Variants in MAST3 observed in about 807,000 individuals in gnomAD.
MAST3 encodes microtubule-associated serine/threonine-protein kinase 3.
Under a neutral mutation model 127.0 loss-of-function variants are expected in MAST3, and 43 were observed. The observed-to-expected ratio is 0.34, with a 90% CI of 0.27 to 0.44. The LOEUF (loss-of-function observed/expected upper bound fraction) is 0.44. Among genes scored for constraint, MAST3 ranks in the 20% least tolerant of loss-of-function variants. The pLI is 1.00. For missense variants in MAST3, 1,390 were observed against 1,919.1 expected, an observed-to-expected ratio of 0.72 and a Z score of 5.15; for synonymous variants, 785 against 809.2, an observed-to-expected ratio of 0.97 and a Z score of 0.51.
chr19:18,143,912 GC>G lies in MAST3; in HGVS notation c.2492del (p.Pro831LeufsTer11). The G allele has an allele frequency of 6.2e-7, 1 of 1,613,588 alleles. No individual in the cohort carries two copies. The highest frequency in any genetic ancestry group is 8.5e-7 in the Non-Finnish European group (1 of 1,179,774). ...TCAGAGGATGAGGGGGTAGGCCCAG[GC>G]CCTGCAGGCCCCAAGAGGCCCGTCT... is the stretch of plus-strand genomic sequence containing the variant. ...FSSEDEGVGP[G>X]PAGPKRPVFI... On this transcript the variant is annotated frameshift_variant, in exon 22 of 28. Coordinates refer to ENST00000687212, the MANE Select transcript of MAST3 (RefSeq NM_001393504.1). LOFTEE classifies it high-confidence loss of function.
chr19:18,116,166 C>T (rs1366121538), intron 3 of MAST3, among the ~76,000 whole-genome samples: 2 of 142,472 alleles, frequency 1.4e-5, no homozygotes, highest in Non-Finnish European at 3.0e-5. Context: ...TGATCTCGGC[C>T]CACTGCAACC....
At chr19:18,142,116 G>T (rs1269350883) in intron 21 of MAST3, 101 bp downstream of exon 21, 1 of 1,247,100 alleles carries the variant, frequency 8.0e-7, no homozygotes. Context: ...TGGCCAAGTA[G>T]AAAAGGGTCA....
intron 1 of MAST3, among the ~76,000 whole-genome samples, chr19:18,101,642 CT>C (rs1434961083): frequency 1.3e-5 from 2 of 152,042 alleles, no homozygotes; most frequent in East Asian, 3.9e-4. Flanking sequence ...TTGAGTCTCT[CT>C]TTTTTTAGAC....
In MAST3 at chr19:18,121,743, C is replaced by T; in HGVS notation, c.220C>T (p.Arg74Trp). The change falls in exon 4 of 28, where the codon CGG becomes TGG. Residue 74 changes from arginine to tryptophan, a missense_variant. Arg to Trp is a moderately radical substitution (Grantham distance 101, BLOSUM62 -3). Transcript: ENST00000687212. ...VVGTPSPTLS[R>W]PLSPLSVPTG... is the part of the protein sequence containing the mutation. ...AGGAACGCCCTCCCCGACCCTCTCC[C>T]GGCCCCTGTCGCCATTGTCGGTCCC... 6.2e-7 allele frequency: 1 copy of T among 1,614,026 alleles called. No individual in the cohort carries two copies. Among genetic ancestry groups the T allele is most frequent in the Non-Finnish European group, 8.5e-7 (1 of 1,179,900 alleles).
At chr19:18,135,446 C>G (rs2041793987) in intron 17 of MAST3, among the ~76,000 whole-genome samples, 1 of 152,090 alleles carries the variant, frequency 6.6e-6, no homozygotes, top group Non-Finnish European at 1.5e-5. Flanking sequence ...GCCTGGGTGA[C>G]AGAGCGAGAC....
At chr19:18,137,721 T>G (rs955930141) in intron 19 of MAST3, among the ~76,000 whole-genome samples, 2 of 152,078 alleles carry the variant, frequency 1.3e-5, no homozygotes, top group African/African-American at 4.8e-5. Context: ...GGGCGCCTAG[T>G]GCAGCTTTTT....
chr19:18,123,087 G>A (rs1408161947), intron 6 of MAST3, 130 bp from the exon 7 acceptor site: 1 of 979,468 alleles, frequency 1.0e-6, no homozygotes, highest in Non-Finnish European at 1.6e-6. Flanking sequence ...ATGCATAGGA[G>A]CTAGGCAGGA....
intron 20 of MAST3, among the ~76,000 whole-genome samples, 185 bp from the exon 21 acceptor site, chr19:18,141,697 G>T (rs1427777001): frequency 6.6e-6 from 1 of 151,698 alleles, no homozygotes; most frequent in East Asian, 1.9e-4. Flanking sequence ...TGCCACCTTT[G>T]TTACTGGTTT....
chr19:18,130,299 G>T (rs1366600937), intron 13 of MAST3, among the ~76,000 whole-genome samples, 195 bp from the exon 14 acceptor site: 1 of 152,208 alleles, frequency 6.6e-6, no homozygotes, highest in Non-Finnish European at 1.5e-5. Context: ...CCATTTATAT[G>T]GCCCCCAGCC....
At position 18,151,323 on chromosome 19, in the gene MAST3, TACAG is replaced by T. The variant is rs1461484849; in HGVS notation, c.*1601_*1604del. The T allele has an allele frequency of 6.6e-6, 1 of 152,184 alleles. No homozygotes were observed. Among genetic ancestry groups the T allele is most frequent in the Non-Finnish European group, 1.5e-5 (1 of 68,032 alleles). The allele number at this position is 152,184 out of a possible 1,614,324, so 9.4% of individuals were successfully genotyped here. A position where few individuals can be genotyped will look rare whatever the true frequency, so the allele number is the denominator to read the frequency against. On this transcript the variant is annotated 3_prime_UTR_variant, in exon 28 of 28. Transcript: ENST00000687212. Reference sequence around the variant, plus strand: ...GGAGGTGGTGTCATCACCTCCATTTTACAGACAAAGCAGCTGAGACCCCAGCGAG... The same window carrying T: ...GGAGGTGGTGTCATCACCTCCATTTTACAAAGCAGCTGAGACCCCAGCGAG...
intron 2 of MAST3, among the ~76,000 whole-genome samples, chr19:18,108,390 C>T (rs145991338): frequency 1.2e-3 from 186 of 150,028 alleles, no homozygotes; most frequent in African/African-American, 4.2e-3. Context: ...CTTTTTGAGA[C>T]GGGGTCCCTC....
At position 18,121,701 on chromosome 19, in the gene MAST3, C is replaced by T. The variant is rs770183365; in HGVS notation, c.178C>T (p.Arg60Cys). The change falls in exon 4 of 28, where the codon CGC becomes TGC. Residue 60 changes from arginine to cysteine, a missense_variant. Physicochemically the swap from Arg to Cys is radical, Grantham distance 180. Around this residue, in one of 5 missense-constraint regions of MAST3, gnomAD observed 61 missense variants for 78.2 expected, o/e 0.78. Coordinates refer to ENST00000687212, the MANE Select transcript of MAST3 (RefSeq NM_001393504.1). ...LHPWSCRSGN[R>C]KSLVVGTPSP... ...CCCCCACAGCTGCCGCAGCGGGAAC[C>T]GCAAGAGCTTGGTGGTAGGAACGCC... The T allele has an allele frequency of 9.3e-6, 15 of 1,613,780 alleles. No individual in the cohort carries two copies. Among genetic ancestry groups the T allele is most frequent in the Middle Eastern group, 1.7e-4 (1 of 6,030 alleles).
At chr19:18,124,192 G>T in intron 9 of MAST3, 44 bp downstream of exon 9, 1 of 1,591,750 alleles carries the variant, frequency 6.3e-7, no homozygotes, top group Non-Finnish European at 8.6e-7. Context: ...GCAGTGGGAC[G>T]TGGAGTGAGG....
In MAST3 at chr19:18,134,992, C is replaced by T. The variant is rs1022033447; in HGVS notation, c.1870+10C>T. The T allele has an allele frequency of 3.1e-6, 5 of 1,591,254 alleles. No homozygotes were observed. The African/African-American group carries it at 5.4e-5, about 17-fold the overall frequency. ...GGTCAGGTGGTCAGCGGTGCGTTTC[C>T]TCCACGGGCCTGGGTTTGAGCTGCA... On this transcript the variant is annotated intron_variant, in intron 17 of 27. Transcript: ENST00000687212.
chr19:18,144,422 T>C lies in MAST3; in HGVS notation c.2585-44T>C. 1 of 1,491,670 alleles carries C rather than the reference T, an allele frequency of 6.7e-7. No homozygotes were observed. The highest frequency in any genetic ancestry group is 9.1e-7 in the Non-Finnish European group (1 of 1,101,152). 92.4% of individuals were successfully genotyped at this position (1,491,670 alleles called of 1,614,324 possible). On this transcript the variant is annotated intron_variant, in intron 22 of 27. Coordinates refer to ENST00000687212, the MANE Select transcript of MAST3 (RefSeq NM_001393504.1). This position sits in a 1 kb window ranked among gnomAD's most constrained non-coding sequence, Gnocchi z 4.0. ...GCCTTAAGGTCCCTTTAGGACCACATGGTGAGTTTGAGGGGCACCCAGCTG... is the reference window on the plus strand; with the variant it reads ...GCCTTAAGGTCCCTTTAGGACCACACGGTGAGTTTGAGGGGCACCCAGCTG...
chr19:18,125,463 C>T (rs906664971), intron 11 of MAST3, among the ~76,000 whole-genome samples: 18 of 152,112 alleles, frequency 1.2e-4, no homozygotes, highest in Admixed American at 4.6e-4. Flanking sequence ...CACAGCCGGC[C>T]GGGTGCGGTG....
At chr19:18,127,220 A>G (rs893717105) in intron 11 of MAST3, among the ~76,000 whole-genome samples, 1 of 151,820 alleles carries the variant, frequency 6.6e-6, no homozygotes, top group African/African-American at 2.4e-5. Context: ...ACTGCACTCC[A>G]GCCTGGGTGA....
intron 25 of MAST3, 113 bp from the exon 26 acceptor site, chr19:18,146,768 C>G (rs983230327): frequency 1.6e-5 from 16 of 1,007,008 alleles, no homozygotes; most frequent in Admixed American, 8.4e-5. Flanking sequence ...TGAATGGATG[C>G]TGGGGTGGTG....
At position 18,149,672 on chromosome 19, in the gene MAST3, C is replaced by T. The variant is rs764598975; in HGVS notation, c.3990C>T (p.Ala1330=). 5.6e-6 allele frequency: 9 copies of T among 1,613,066 alleles called. No homozygotes were observed. The highest frequency in any genetic ancestry group is 1.6e-4 in the Middle Eastern group (1 of 6,062). ...TGCCCACCTCAGTGCCACAGATCGC[C>T]GTGGAGGGCGAGGAAGCCGTGCCAG... ...TGLPTSVPQI[A]VEGEEAVPVA... is the part of the protein sequence containing the mutation. The change falls in exon 28 of 28, where the codon GCC becomes GCT. Residue 1330 remains alanine (A), a synonymous_variant. Transcript: ENST00000687212. The surrounding 1 kb of genome is among the most constrained non-coding windows in gnomAD (Gnocchi z 5.9).
Sources: allele counts gnomAD v4.1 joint callset (sites outside exome capture counted in the v4.1 genomes callset), GRCh38; gene constraint gnomAD v4.1.1; regional missense constraint gnomAD v4.1.1; non-coding constraint Gnocchi (gnomAD v3.1); transcripts MANE v1.5; gene names NCBI Gene and HGNC (gene_info 2026-07-23, HGNC 2026-07-21).